The following CAST variants were observed in gnomAD, a reference collection of about 807,000 sequenced individuals.
The protein encoded by CAST is MIR583 host.
In CAST, 76 loss-of-function variants were observed where a neutral mutation model predicts 119.6. The ratio of observed to expected loss-of-function variants is 0.64; its 90% CI spans 0.53 to 0.77. The LOEUF is 0.77. CAST is among the 30% of genes least tolerant of loss of function. CAST has a pLI of 0.00. For synonymous variants in CAST, 319 were observed against 331.6 expected, an observed-to-expected ratio of 0.96 and a Z score of 0.41; for missense variants, 953 against 946.5, an observed-to-expected ratio of 1.01 and a Z score of -0.09.
chr5:96,665,855 C>A (rs1749271042), intron 1 of CAST, among the ~76,000 whole-genome samples: 1 of 152,040 alleles, frequency 6.6e-6, no homozygotes, highest in Non-Finnish European at 1.5e-5. Flanking sequence ...CATATGTAGA[C>A]ATCTAGATTT....
chr5:96,384,764 C>T, the CAST span, among the ~76,000 whole-genome samples: 15 of 152,292 alleles, frequency 9.8e-5, no homozygotes, highest in South Asian at 3.1e-3. Context: ...CGAGAGAACA[C>T]TGGTCCCTGA....
chr5:96,022,836 C>T, the CAST span, among the ~76,000 whole-genome samples: 1 of 152,128 alleles, frequency 6.6e-6, no homozygotes, highest in Non-Finnish European at 1.5e-5. Flanking sequence ...ATTCCTTCTT[C>T]TCCAGGAAAC....
chr5:96,525,884 C>T (rs775384172), upstream of CAST, among the ~76,000 whole-genome samples: 9 of 152,188 alleles, frequency 5.9e-5, no homozygotes, highest in Non-Finnish European at 7.3e-5. Flanking sequence ...TGGAGACATT[C>T]GTCAGCTGCT....
intron 1 of CAST, among the ~76,000 whole-genome samples, chr5:96,562,965 TA>T (rs1181014156): frequency 7.2e-6 from 1 of 138,820 alleles, no homozygotes; most frequent in African/African-American, 2.5e-5. Flanking sequence ...AAGGAGGTCA[TA>T]AAACTTAGGA....
intron 3 of CAST, among the ~76,000 whole-genome samples, chr5:96,718,683 T>C (rs76325477): frequency 0.015 from 2,328 of 152,116 alleles, 51 homozygotes; most frequent in African/African-American, 0.054. Context: ...AGTGAATGAC[T>C]CAAAGTGAAA....
intron 1 of CAST, among the ~76,000 whole-genome samples, chr5:96,588,507 A>G (rs1746901135): frequency 1.3e-5 from 2 of 152,020 alleles, no homozygotes; most frequent in South Asian, 2.1e-4. Context: ...GCTTAAATTC[A>G]TATTTTCTTC....
the CAST span, among the ~76,000 whole-genome samples, chr5:96,331,570 T>C: frequency 1.3e-5 from 2 of 152,278 alleles, no homozygotes; most frequent in Non-Finnish European, 2.9e-5. Flanking sequence ...AATCAGCTCA[T>C]GCTGTATTGC....
the CAST span, among the ~76,000 whole-genome samples, chr5:96,183,322 C>T: frequency 2.0e-5 from 3 of 151,398 alleles, no homozygotes; most frequent in East Asian, 5.8e-4. Context: ...TTACCAGTTT[C>T]CTGGCTACTT....
At chr5:96,416,511 T>C in the CAST span, among the ~76,000 whole-genome samples, 4 of 152,256 alleles carry the variant, frequency 2.6e-5, no homozygotes, top group Non-Finnish European at 5.9e-5. Context: ...TTCAGAGAAA[T>C]GGCTTCTGCT....
At chr5:96,005,229 T>C in the CAST span, among the ~76,000 whole-genome samples, 1 of 151,898 alleles carries the variant, frequency 6.6e-6, no homozygotes, top group Non-Finnish European at 1.5e-5. Flanking sequence ...GTCCAAGAGA[T>C]AGATAGGGGA....
At chr5:96,183,317 A>G in the CAST span, among the ~76,000 whole-genome samples, 1 of 151,562 alleles carries the variant, frequency 6.6e-6, no homozygotes, top group Admixed American at 6.6e-5. Flanking sequence ...GCTATTTACC[A>G]GTTTCCTGGC....
At chr5:96,425,569 ATAAACT>A in the CAST span, among the ~76,000 whole-genome samples, 1 of 152,232 alleles carries the variant, frequency 6.6e-6, no homozygotes, top group Non-Finnish European at 1.5e-5. Flanking sequence ...TTTATCCCAA[ATAAACT>A]TAAGAAGACA....
chr5:96,213,741 T>C, the CAST span: 5 of 152,278 alleles, frequency 3.3e-5, no homozygotes, highest in African/African-American at 1.2e-4. Flanking sequence ...TAGTAAGCTA[T>C]GATCATACCA....
intron 1 of CAST, among the ~76,000 whole-genome samples, chr5:96,606,052 T>G (rs1329740224): frequency 6.6e-6 from 1 of 152,154 alleles, no homozygotes; most frequent in African/African-American, 2.4e-5. Flanking sequence ...TGGGTCAATC[T>G]GAGAGAGTTG....
chr5:96,593,154 G>A (rs373307879), intron 1 of CAST, among the ~76,000 whole-genome samples: 6 of 152,270 alleles, frequency 3.9e-5, no homozygotes, highest in East Asian at 3.9e-4. Context: ...AACTGCTGTC[G>A]TCCCCCAAAC....
chr5:96,650,949 T>C (rs1222642719), intron 1 of CAST, among the ~76,000 whole-genome samples: 1 of 152,210 alleles, frequency 6.6e-6, no homozygotes, highest in Non-Finnish European at 1.5e-5. Context: ...ATCTTGACAC[T>C]GAAGCATTCA....
chr5:96,038,096 T>C, the CAST span, among the ~76,000 whole-genome samples: 3 of 152,126 alleles, frequency 2.0e-5, no homozygotes, highest in Non-Finnish European at 4.4e-5. Context: ...AGGTCATGCA[T>C]CCTCAGTTTT....
the CAST span, among the ~76,000 whole-genome samples, chr5:96,000,584 A>G: frequency 1.3e-5 from 2 of 152,190 alleles, no homozygotes; most frequent in Non-Finnish European, 2.9e-5. Context: ...CAAGGGAGGT[A>G]TATGTCCATA....
chr5:96,533,161 C>A (rs184218783), intron 1 of CAST, among the ~76,000 whole-genome samples: 5 of 152,240 alleles, frequency 3.3e-5, no homozygotes, highest in Admixed American at 2.6e-4. Context: ...ATTCCATGTT[C>A]AGCTAACCCT....
Sources: gnomAD v4.1 joint callset for allele counts (sites outside exome capture counted in the v4.1 genomes callset) on GRCh38, gnomAD v4.1.1 for gene constraint, MANE v1.5 for transcripts, NCBI Gene and HGNC (gene_info 2026-07-23, HGNC 2026-07-21) for gene names.